Variants in PPFIA2 observed in about 807,000 individuals in gnomAD.
PPFIA2 encodes PPFI scaffold protein A2, also known as liprin-alpha-2.
Under a neutral mutation model 175.5 loss-of-function variants are expected in PPFIA2, and 46 were observed. That is an observed-to-expected ratio of 0.26 (90% confidence interval 0.21 to 0.34). PPFIA2 has a LOEUF of 0.34. Among genes scored for constraint, PPFIA2 ranks in the 10% least tolerant of loss-of-function variants. The pLI, the probability that PPFIA2 is intolerant of heterozygous loss-of-function variation, is 1.00. For missense variants in PPFIA2, 1,179 were observed against 1,506.1 expected (o/e 0.78, Z 3.60); for synonymous variants, 568 against 511.4 (o/e 1.11, Z -1.49).
At chr12:81,633,380 T>C (rs2063614964) in intron 4 of PPFIA2, among the ~76,000 whole-genome samples, 11 of 152,060 alleles carry the variant, frequency 7.2e-5, no homozygotes. Context: ...GGTTGGGTAC[T>C]GGAGATTTGG....
At chr12:81,462,875 A>T (rs1191677471) in intron 4 of PPFIA2, among the ~76,000 whole-genome samples, 1 of 151,976 alleles carries the variant, frequency 6.6e-6, no homozygotes, top group African/African-American at 2.4e-5. Context: ...TCTATTCCGT[A>T]GTGCTTTGGG....
chr12:81,753,970 T>C lies in PPFIA2; in HGVS notation c.249+3A>G, dbSNP rs2084249045. ...GAGAAACAAAGGCTACCAGGAAGCA[T>C]ACCTGTGGCAGGGCTGAATTGAGCT... On this transcript the variant is annotated splice_donor_region_variant and intron_variant, in intron 3 of 32. Coordinates refer to ENST00000549396, the MANE Select transcript of PPFIA2 (RefSeq NM_003625.5). 6.2e-7 allele frequency: 1 copy of C among 1,613,388 alleles called. No homozygotes were observed. Among genetic ancestry groups the C allele is most frequent in the Admixed American group, 1.7e-5 (1 of 59,992 alleles).
At chr12:81,733,995 C>G (rs1416002469) in intron 3 of PPFIA2, among the ~76,000 whole-genome samples, 3 of 151,762 alleles carry the variant, frequency 2.0e-5, no homozygotes, top group Non-Finnish European at 4.4e-5. Context: ...TTTAAAACTT[C>G]TGATTTGAGG....
intron 4 of PPFIA2, among the ~76,000 whole-genome samples, chr12:81,539,835 A>G (rs1055185885): frequency 9.2e-5 from 14 of 151,922 alleles, no homozygotes; most frequent in African/African-American, 3.4e-4. Context: ...CACACACTCT[A>G]TATTTCTTAT....
intron 3 of PPFIA2, among the ~76,000 whole-genome samples, chr12:81,753,186 C>T (rs1353303663): frequency 6.6e-6 from 1 of 152,076 alleles, no homozygotes; most frequent in African/African-American, 2.4e-5. Flanking sequence ...CCACCCACCT[C>T]GGCCTCCCAA....
intron 9 of PPFIA2, among the ~76,000 whole-genome samples, chr12:81,377,036 C>T (rs1184201784): frequency 2.0e-5 from 3 of 151,288 alleles, no homozygotes; most frequent in African/African-American, 7.3e-5. Flanking sequence ...TAGGTAATGT[C>T]CTAATCTAAT....
intron 4 of PPFIA2, among the ~76,000 whole-genome samples, chr12:81,554,787 A>C (rs942801993): frequency 3.3e-5 from 5 of 152,050 alleles, no homozygotes; most frequent in African/African-American, 9.7e-5. Flanking sequence ...TTGAAATATA[A>C]ATGTTTTCTG....
intron 4 of PPFIA2, among the ~76,000 whole-genome samples, chr12:81,509,896 G>C (rs1186231407): frequency 6.6e-6 from 1 of 152,044 alleles, no homozygotes; most frequent in African/African-American, 2.4e-5. Flanking sequence ...GAATGTTTTT[G>C]AAAGTTCAGA....
At chr12:81,604,534 T>G (rs2060095667) in intron 4 of PPFIA2, among the ~76,000 whole-genome samples, 1 of 151,726 alleles carries the variant, frequency 6.6e-6, no homozygotes, top group Admixed American at 6.6e-5. Flanking sequence ...TTTTTGGTTG[T>G]GAAGAAACTT....
intron 4 of PPFIA2, among the ~76,000 whole-genome samples, chr12:81,589,717 C>T (rs1726588181): frequency 2.6e-5 from 4 of 152,102 alleles, no homozygotes; most frequent in Admixed American, 2.6e-4. Context: ...AACTATATTA[C>T]TCCCTCTTTG....
intron 4 of PPFIA2, among the ~76,000 whole-genome samples, chr12:81,625,096 C>T (rs933871214): frequency 6.6e-6 from 1 of 151,640 alleles, no homozygotes; most frequent in Non-Finnish European, 1.5e-5. Flanking sequence ...TATACACACA[C>T]AATATGTTTG....
At chr12:81,312,129 C>T (rs1340124697) in intron 22 of PPFIA2, 3 of 1,531,092 alleles carry the variant, frequency 2.0e-6, no homozygotes, top group East Asian at 2.4e-5. Context: ...TGAAAATAAA[C>T]ATGTTCAGCA....
At chr12:81,328,693 G>A (rs957044909) in intron 21 of PPFIA2, among the ~76,000 whole-genome samples, 2 of 152,128 alleles carry the variant, frequency 1.3e-5, no homozygotes, top group African/African-American at 4.8e-5. Flanking sequence ...TGTATGTTGA[G>A]GGAGGGTGCA....
intron 22 of PPFIA2, among the ~76,000 whole-genome samples, chr12:81,324,660 G>T (rs1217809033): frequency 1.3e-5 from 2 of 151,850 alleles, no homozygotes; most frequent in Non-Finnish European, 2.9e-5. Flanking sequence ...ATTTGAAAAA[G>T]ATTATGATAA....
At position 81,754,255 on chromosome 12, in the gene PPFIA2, T is replaced by C. The variant is rs375597649; in HGVS notation, c.-2-32A>G. On this transcript the variant is annotated intron_variant, in intron 2 of 32. Transcript: ENST00000549396. ...GAAAGTAAGTGGGAAGGAGTCTTAG[T>C]AAAGAAATGATTTCCAATAATTTCA... The C allele has an allele frequency of 5.1e-5, 79 of 1,553,824 alleles. No homozygotes were observed. The Admixed American group carries it at 5.9e-4, about 12-fold the overall frequency.
At chr12:81,638,906 C>A (rs1171018135) in intron 4 of PPFIA2, among the ~76,000 whole-genome samples, 2 of 151,488 alleles carry the variant, frequency 1.3e-5, no homozygotes, top group African/African-American at 4.9e-5. Flanking sequence ...CCGGGATGGT[C>A]TCGATCTCCT....
At chr12:81,607,773 G>A (rs2060479429) in intron 4 of PPFIA2, among the ~76,000 whole-genome samples, 1 of 151,876 alleles carries the variant, frequency 6.6e-6, no homozygotes, top group Non-Finnish European at 1.5e-5. Flanking sequence ...TTCATATTTG[G>A]ATGCCTTTTA....
chr12:81,639,548 AT>A (rs779063637), intron 4 of PPFIA2, among the ~76,000 whole-genome samples: 17 of 146,912 alleles, frequency 1.2e-4, no homozygotes, highest in Admixed American at 1.4e-4. Context: ...GGTAAAAAAA[AT>A]ATATATATAT....
chr12:81,755,911 A>G (rs1469730596), intron 2 of PPFIA2, among the ~76,000 whole-genome samples: 1 of 152,164 alleles, frequency 6.6e-6, no homozygotes, highest in Non-Finnish European at 1.5e-5. Flanking sequence ...CTTAATGGAT[A>G]AAACTGTTTC....
Sources: gnomAD v4.1 joint callset for allele counts (sites outside exome capture counted in the v4.1 genomes callset) on GRCh38, gnomAD v4.1.1 for gene constraint, MANE v1.5 for transcripts, NCBI Gene and HGNC (gene_info 2026-07-23, HGNC 2026-07-21) for gene names.